The following CD9 variants were observed in gnomAD, a reference collection of about 807,000 sequenced individuals.
CD9 encodes CD9 antigen.
CD9 carries 10 observed loss-of-function variants against 31.4 expected under a neutral mutation model. That is an observed-to-expected ratio of 0.32 (90% CI 0.20 to 0.54). The LOEUF is 0.54. Ranked by LOEUF, CD9 falls within the 20% of genes least tolerant of loss-of-function variation. The pLI is 0.94. For synonymous variants in CD9, 113 were observed against 114.1 expected (o/e 0.99, Z 0.06); for missense variants, 259 against 300.1 (o/e 0.86, Z 1.01).
At chr12:6,209,679 CT>C (rs71064199) in intron 1 of CD9, among the ~76,000 whole-genome samples, 1,464 of 132,536 alleles carry the variant, frequency 0.011, 16 homozygotes, top group African/African-American at 0.034. Flanking sequence ...CTGCAAATTT[CT>C]TTTTTTTTTT....
chr12:6,216,652 C>T (rs1251583958), intron 1 of CD9, among the ~76,000 whole-genome samples: 1 of 152,192 alleles, frequency 6.6e-6, no homozygotes. Flanking sequence ...CATTCCCATC[C>T]AGTCTTAGTG....
chr12:6,222,259 C>T (rs971547125), intron 1 of CD9, among the ~76,000 whole-genome samples: 8 of 152,312 alleles, frequency 5.3e-5, no homozygotes, highest in South Asian at 2.1e-4. Flanking sequence ...TAGCATCCCC[C>T]CCGGCCGGTG....
intron 1 of CD9, among the ~76,000 whole-genome samples, chr12:6,201,638 C>G (rs554331277): frequency 6.6e-6 from 1 of 152,392 alleles, no homozygotes; most frequent in African/African-American, 2.4e-5. Flanking sequence ...ATTCCCTGCA[C>G]ACACATGACA....
intron 3 of CD9, chr12:6,233,057 A>G: frequency 1.4e-6 from 1 of 701,856 alleles, no homozygotes; most frequent in Non-Finnish European, 2.6e-6. Context: ...TCTTTTCCGA[A>G]CTCCACGGAG....
At chr12:6,201,294 C>T (rs528000790) in intron 1 of CD9, among the ~76,000 whole-genome samples, 2 of 125,418 alleles carry the variant, frequency 1.6e-5, no homozygotes, top group African/African-American at 5.3e-5. Flanking sequence ...AGTATCTTCA[C>T]TGGAGAGAAC....
At chr12:6,212,887 G>C (rs1946206900) in intron 1 of CD9, among the ~76,000 whole-genome samples, 4 of 152,154 alleles carry the variant, frequency 2.6e-5, no homozygotes, top group Admixed American at 2.6e-4. Flanking sequence ...GTATAAAAGA[G>C]TGACATATAA....
At chr12:6,206,318 G>A (rs1946131865) in intron 1 of CD9, among the ~76,000 whole-genome samples, 1 of 151,752 alleles carries the variant, frequency 6.6e-6, no homozygotes, top group African/African-American at 2.4e-5. Flanking sequence ...CAACCTCCCA[G>A]CTCAGGCGAT....
At chr12:6,235,710 C>G in intron 6 of CD9, 145 bp downstream of exon 6, 1 of 1,432,098 alleles carries the variant, frequency 7.0e-7, no homozygotes, top group Non-Finnish European at 9.1e-7. Flanking sequence ...CTCTTTCTCT[C>G]CCACTTTGGG....
intron 1 of CD9, among the ~76,000 whole-genome samples, chr12:6,221,485 C>G (rs1017631123): frequency 6.6e-6 from 1 of 152,114 alleles, no homozygotes; most frequent in Non-Finnish European, 1.5e-5. Flanking sequence ...GGGCAGCCAT[C>G]GAAGAAATTA....
chr12:6,233,610 A>G (rs1343623599), intron 4 of CD9, 124 bp downstream of exon 4: 12 of 737,262 alleles, frequency 1.6e-5, no homozygotes, highest in South Asian at 9.4e-5. Context: ...CTCTTATCTC[A>G]TCGCGTCCCT....
rs373755597 is a variant in CD9, at chr12:6,232,605, G to A, written c.176-27G>A. ...GGCCTCTGAACTGATGTCTCCACGC[G>A]TGTGTGCTTCCTCTGTCCTCCCGCA... On this transcript the variant is annotated intron_variant, in intron 2 of 7. Coordinates refer to ENST00000009180, the MANE Select transcript of CD9 (RefSeq NM_001769.4). This position sits in a 1 kb window ranked among gnomAD's most constrained non-coding sequence, Gnocchi z 4.8. 311 of 1,440,470 alleles carry A rather than the reference G, an allele frequency of 2.2e-4. 2 individuals carry two copies. The highest frequency in any genetic ancestry group is 1.9e-4 in the Middle Eastern group (1 of 5,172). The allele number at this position is 1,440,470 out of a possible 1,614,324, so 89.2% of individuals were successfully genotyped here.
chr12:6,236,476 A>G, intron 7 of CD9: 1 of 594,436 alleles, frequency 1.7e-6, no homozygotes, highest in Admixed American at 3.1e-5. Flanking sequence ...TCCTGAGTGG[A>G]GTATCTGAGG....
At position 6,229,698 on chromosome 12, in the gene CD9, G is replaced by A. The variant is rs185986536; in HGVS notation, c.176-2934G>A. On this transcript the variant is annotated intron_variant, in intron 2 of 7. Coordinates refer to ENST00000009180, the MANE Select transcript of CD9 (RefSeq NM_001769.4). ...TGCAGGACAGAGCTGGTGTAGGGAC[G>A]GGAGCCTGCTGTGTCCTCTCCCTGG... Among the ~76,000 whole-genome samples the A allele has an allele frequency of 7.9e-5, 12 of 151,706 alleles. No individual in the cohort carries two copies. In the East Asian group the frequency reaches 2.3e-3, roughly 29 times the overall value.
At chr12:6,229,574 C>T (rs1008942528) in intron 2 of CD9, among the ~76,000 whole-genome samples, 2 of 152,184 alleles carry the variant, frequency 1.3e-5, no homozygotes, top group Non-Finnish European at 2.9e-5. Context: ...CCTTTGAACA[C>T]CTGGTGGAGT....
intron 1 of CD9, among the ~76,000 whole-genome samples, chr12:6,219,034 C>T (rs1405749640): frequency 6.6e-6 from 1 of 152,146 alleles, no homozygotes; most frequent in African/African-American, 2.4e-5. Flanking sequence ...GAGATGGAGT[C>T]TCGCTGTGTC....
chr12:6,217,056 C>A (rs1591968366), intron 1 of CD9, among the ~76,000 whole-genome samples: 1 of 152,106 alleles, frequency 6.6e-6, no homozygotes, highest in African/African-American at 2.4e-5. Flanking sequence ...CTGTAACGTT[C>A]AGAGAAGCTG....
At chr12:6,223,326 A>G (rs1008239160) in intron 1 of CD9, among the ~76,000 whole-genome samples, 5 of 150,880 alleles carry the variant, frequency 3.3e-5, no homozygotes, top group Non-Finnish European at 5.9e-5. Flanking sequence ...CAGTGGCGCA[A>G]TCTCCGCTCA....
rs1323131727 is a variant in CD9, at chr12:6,223,718, C to A, written c.67-1708C>A. Among the ~76,000 whole-genome samples the A allele has an allele frequency of 2.0e-5, 3 of 152,238 alleles. No individual in the cohort carries two copies. The East Asian group carries it at 5.8e-4, about 29-fold the overall frequency. On this transcript the variant is annotated intron_variant, in intron 1 of 7. Coordinates refer to ENST00000009180, the MANE Select transcript of CD9 (RefSeq NM_001769.4). The stretch of plus-strand genomic sequence containing the variant: ...CTAGCCCAGCACGCTCCCAGCAGGG[C>A]CCGCCTCCCCGCCTAAGCTAACTGC...
chr12:6,235,824 C>T lies in CD9; in HGVS notation c.537+259C>T, dbSNP rs576052346. The T allele has an allele frequency of 1.8e-4, 251 of 1,377,574 alleles. 4 individuals carry two copies. The South Asian group carries it at 4.1e-3, about 23-fold the overall frequency. 85.3% of individuals were successfully genotyped at this position (1,377,574 alleles called of 1,614,324 possible). On this transcript the variant is annotated intron_variant, in intron 6 of 7. Coordinates refer to ENST00000009180, the MANE Select transcript of CD9 (RefSeq NM_001769.4). ...CAGCCCGGAAGCTCTCAAGGGCAGGCGTGCTTCTGAGTCTTGGACTCCCAC... is the reference window on the plus strand; with the variant it reads ...CAGCCCGGAAGCTCTCAAGGGCAGGTGTGCTTCTGAGTCTTGGACTCCCAC...
Sources: allele counts gnomAD v4.1 joint callset (sites outside exome capture counted in the v4.1 genomes callset), GRCh38; gene constraint gnomAD v4.1.1; non-coding constraint Gnocchi (gnomAD v3.1); transcripts MANE v1.5; gene names NCBI Gene and HGNC (gene_info 2026-07-23, HGNC 2026-07-21).